RGS3: variants seen among roughly 807,000 people sequenced by gnomAD.
RGS3 encodes regulator of G protein signaling 3.
A neutral mutation model predicts 132.6 loss-of-function variants in RGS3; 80 were observed. That is an observed-to-expected ratio of 0.60 (90% CI 0.50 to 0.73). The LOEUF (loss-of-function observed/expected upper bound fraction) is 0.73. Ranked by LOEUF, RGS3 falls within the 30% of genes least tolerant of loss-of-function variation. The probability of loss-of-function intolerance (pLI) is 0.00; values close to 1 mark genes in which losing one functional copy is unlikely to be tolerated. For synonymous variants in RGS3, 598 were observed against 620.6 expected, an observed-to-expected ratio of 0.96 and a Z score of 0.54; for missense variants, 1,382 against 1,530.8, an observed-to-expected ratio of 0.90 and a Z score of 1.62.
chr9:113,486,812 A>G (rs138824445), intron 7 of RGS3, among the ~76,000 whole-genome samples: 7 of 152,362 alleles, frequency 4.6e-5, no homozygotes, highest in Admixed American at 3.9e-4. Flanking sequence ...TGTATTTAAC[A>G]TACAAAACGA....
At chr9:113,502,539 CA>C (rs1830947573) in intron 10 of RGS3, among the ~76,000 whole-genome samples, 1 of 152,226 alleles carries the variant, frequency 6.6e-6, no homozygotes, top group African/African-American at 2.4e-5. Context: ...CTTCAGGCCC[CA>C]CTCTGTGTTT....
Position 113,495,766 on chromosome 9 carries a change from A to G in RGS3, c.690-20A>G, listed in dbSNP as rs370493401. ...AGCCCAGAAAAAAAATGCTGACTCA[A>G]GTCTCACTTGTTCTCCCAGACAGAG... is the stretch of plus-strand genomic sequence containing the variant. On this transcript the variant is annotated intron_variant, in intron 7 of 24. Transcript: ENST00000350696. 13 of 1,613,026 alleles carry G rather than the reference A, an allele frequency of 8.1e-6. No homozygotes were observed. The African/African-American group carries it at 1.5e-4, about 18-fold the overall frequency.
upstream of RGS3, among the ~76,000 whole-genome samples, chr9:113,458,515 A>G (rs1359649111): frequency 6.6e-6 from 1 of 152,192 alleles, no homozygotes; most frequent in Non-Finnish European, 1.5e-5. Flanking sequence ...ATTTATATTC[A>G]TAAGTCAGAT....
rs117836202 is a variant in RGS3, at chr9:113,575,914, T to G, written c.2038-7536T>G. ...AACTTTAATGTGCAAATGAATCTCC[T>G]GGGATCCTATTAAAGTGCAGGTTCC... On this transcript the variant is annotated intron_variant, in intron 19 of 24. Transcript: ENST00000350696. 1.1e-3 allele frequency among the ~76,000 whole-genome samples: 165 copies of G among 152,344 alleles called. 1 individual carries two copies. The East Asian group carries it at 0.031, about 29-fold the overall frequency.
Position 113,591,574 on chromosome 9 carries a change from C to G in RGS3, c.3080+177C>G, listed in dbSNP as rs764505079. ...CTTTGCAGTGACCCCAAAGTGGGGT[C>G]ACCTGGGTCCTGAGCATTCTCTCCA... On this transcript the variant is annotated intron_variant, in intron 21 of 24. Transcript: ENST00000350696. This position sits in a 1 kb window ranked among gnomAD's most constrained non-coding sequence, Gnocchi z 4.4. 26 of 610,602 alleles carry G rather than the reference C, an allele frequency of 4.3e-5. No individual in the cohort carries two copies. Among genetic ancestry groups the G allele is most frequent in the Non-Finnish European group, 6.5e-5 (22 of 339,808 alleles). The allele number at this position is 610,602 out of a possible 1,614,324, so 37.8% of individuals were successfully genotyped here. A position where few individuals can be genotyped will look rare whatever the true frequency, so the allele number is the denominator to read the frequency against.
intron 1 of RGS3, among the ~76,000 whole-genome samples, chr9:113,451,855 A>C (rs772260487): frequency 4.4e-4 from 67 of 152,162 alleles, no homozygotes; most frequent in Admixed American, 2.9e-3. Context: ...CCACAACTTG[A>C]AAGACTAACA....
exon 9 of RGS3, chr9:113,497,323 G>C (rs750222670): frequency 6.2e-7 from 1 of 1,612,600 alleles, no homozygotes; most frequent in Admixed American, 1.7e-5. Flanking sequence ...GGAGATCAGT[G>C]GTTGGTACTA....
intron 17 of RGS3, among the ~76,000 whole-genome samples, chr9:113,528,507 G>A (rs1180668523): frequency 6.6e-6 from 1 of 152,184 alleles, no homozygotes; most frequent in African/African-American, 2.4e-5. Flanking sequence ...GTCATCTCCT[G>A]GTCCTCCTGC....
chr9:113,467,853 T>C (rs1029343080), intron 3 of RGS3, among the ~76,000 whole-genome samples: 2 of 152,294 alleles, frequency 1.3e-5, no homozygotes, highest in Middle Eastern at 3.4e-3. Context: ...TAGCTGGTAC[T>C]ACAGATGTGC....
chr9:113,581,931 A>G (rs755049709), intron 19 of RGS3: 61 of 691,082 alleles, frequency 8.8e-5, no homozygotes, highest in Non-Finnish European at 1.1e-4. Flanking sequence ...TGGCCAGATC[A>G]CGCTAGAGTC....
intron 7 of RGS3, among the ~76,000 whole-genome samples, chr9:113,488,125 AG>A (rs1261695061): frequency 1.3e-5 from 2 of 152,182 alleles, no homozygotes; most frequent in East Asian, 3.8e-4. Context: ...AGGGGAAAAC[AG>A]ACTCAGGCCA....
At chr9:113,491,482 CT>C (rs1279994833) in intron 7 of RGS3, among the ~76,000 whole-genome samples, 1 of 151,724 alleles carries the variant, frequency 6.6e-6, no homozygotes, top group African/African-American at 2.4e-5. Context: ...ATCTCCTGAC[CT>C]CAGGTGATCC....
At chr9:113,557,305 G>A (rs544915372) in intron 19 of RGS3, among the ~76,000 whole-genome samples, 2 of 152,352 alleles carry the variant, frequency 1.3e-5, no homozygotes, top group South Asian at 2.1e-4. Flanking sequence ...TCCCTTAGTG[G>A]TAGCAGTGCT....
chr9:113,575,073 G>T (rs919857366), intron 19 of RGS3, among the ~76,000 whole-genome samples: 11 of 152,134 alleles, frequency 7.2e-5, no homozygotes, highest in Admixed American at 1.3e-4. Context: ...TGGTGAGGGG[G>T]TGACAGGGCA....
At chr9:113,447,269 A>G (rs1323928622) in intron 1 of RGS3, among the ~76,000 whole-genome samples, 1 of 136,536 alleles carries the variant, frequency 7.3e-6, no homozygotes, top group Admixed American at 7.7e-5. Context: ...CTCAAAGAAA[A>G]AAAAAAAAAA....
At chr9:113,536,770 C>T (rs745320120) in intron 18 of RGS3, 26 bp from the exon 17 acceptor site, 29 of 1,610,288 alleles carry the variant, frequency 1.8e-5, no homozygotes, top group South Asian at 6.6e-5. Context: ...CCTGACCGTC[C>T]GTTTCTCTAT....
In RGS3 at chr9:113,470,255, G is replaced by A. The variant is rs895013259; in HGVS notation, c.415+8054G>A. On this transcript the variant is annotated intron_variant, in intron 3 of 24. Coordinates refer to ENST00000350696, the Ensembl canonical transcript of RGS3. ...GTGCAGTGTTCTTTGTGTATGTCAA[G>A]TTTAGGTCAAGTTTGCTCTTTATAT... Among the ~76,000 whole-genome samples the A allele has an allele frequency of 3.9e-5, 6 of 152,302 alleles. No homozygotes were observed. In the East Asian group the frequency reaches 1.2e-3, roughly 29 times the overall value.
chr9:113,540,947 G>A (rs559383754), intron 19 of RGS3, among the ~76,000 whole-genome samples: 30 of 152,292 alleles, frequency 2.0e-4, no homozygotes, highest in African/African-American at 6.7e-4. Context: ...AGCCGCTATC[G>A]TTCTCACTGT....
chr9:113,545,973 A>C (rs1308027751), intron 19 of RGS3, among the ~76,000 whole-genome samples: 2 of 152,284 alleles, frequency 1.3e-5, no homozygotes, highest in East Asian at 3.9e-4. Flanking sequence ...TTATTTTGCT[A>C]TATGGCTTTC....
Sources: gnomAD v4.1 joint callset for allele counts (sites outside exome capture counted in the v4.1 genomes callset) on GRCh38, gnomAD v4.1.1 for gene constraint, Gnocchi (gnomAD v3.1) non-coding constraint, MANE v1.5 for transcripts, NCBI Gene and HGNC (gene_info 2026-07-23, HGNC 2026-07-21) for gene names.